IGSF21: variants seen among roughly 807,000 people sequenced by gnomAD.
IGSF21 encodes immunoglobin superfamily member 21.
A neutral mutation model predicts 46.8 loss-of-function variants in IGSF21; 28 were observed. That is an observed-to-expected ratio of 0.60 (90% CI 0.44 to 0.82). IGSF21 has a LOEUF of 0.82. Ranked by LOEUF, IGSF21 falls within the 40% of genes least tolerant of loss-of-function variation. IGSF21 has a pLI of 0.00. For missense variants in IGSF21, 624 were observed against 665.5 expected, an observed-to-expected ratio of 0.94 and a Z score of 0.69; for synonymous variants, 284 against 273.6, an observed-to-expected ratio of 1.04 and a Z score of -0.38.
intron 1 of IGSF21, among the ~76,000 whole-genome samples, chr1:18,190,363 G>A (rs185352091): frequency 1.1e-4 from 16 of 152,266 alleles, no homozygotes; most frequent in African/African-American, 3.9e-4. Flanking sequence ...CTGCCCCTCC[G>A]ATTCCATCTG....
Position 18,192,982 on chromosome 1 carries a change from T to C in IGSF21, c.71-34916T>C, listed in dbSNP as rs529578467. ...GAATAAGGCAACACTGGAATCCTGGTCCTCACAGGCCTTCACTCCAAATGG... is the reference window on the plus strand; with the variant it reads ...GAATAAGGCAACACTGGAATCCTGGCCCTCACAGGCCTTCACTCCAAATGG... On this transcript the variant is annotated intron_variant, in intron 1 of 9. Transcript: ENST00000251296. Among the ~76,000 whole-genome samples the C allele has an allele frequency of 9.9e-5, 15 of 152,032 alleles. No homozygotes were observed. The East Asian group carries it at 2.1e-3, about 22-fold the overall frequency.
rs546293367 is a variant in IGSF21, at chr1:18,123,733, G to A, written c.70+15535G>A. Among the ~76,000 whole-genome samples, 39 of 152,252 alleles carry A rather than the reference G, an allele frequency of 2.6e-4. No homozygotes were observed. The South Asian group carries it at 7.9e-3, about 31-fold the overall frequency. On this transcript the variant is annotated intron_variant, in intron 1 of 9. Coordinates refer to ENST00000251296, the MANE Select transcript of IGSF21 (RefSeq NM_032880.5). Reference sequence around the variant, plus strand: ...GCAGGATACAACAGCAAGGATAAAGGCCTATAGGCTGGAAAGGGCCTGGGG... The same window carrying A: ...GCAGGATACAACAGCAAGGATAAAGACCTATAGGCTGGAAAGGGCCTGGGG...
chr1:18,229,433 C>T (rs537130316), intron 2 of IGSF21, among the ~76,000 whole-genome samples: 1 of 152,334 alleles, frequency 6.6e-6, no homozygotes, highest in South Asian at 2.1e-4. Flanking sequence ...GAGCTTTGAA[C>T]CAGCCTGTCT....
Position 18,246,856 on chromosome 1 carries a change from G to T in IGSF21, c.183+18846G>T, listed in dbSNP as rs190115135. 1.0e-3 allele frequency among the ~76,000 whole-genome samples: 154 copies of T among 152,228 alleles called. 1 individual carries two copies. The Middle Eastern group carries it at 0.031, about 30-fold the overall frequency. On this transcript the variant is annotated intron_variant, in intron 2 of 9. Transcript: ENST00000251296. ...ACTCTGTGAAGCTCAACACATCTGAGTTTGGAAGCTGCTTTGGACTCAGGG... is the reference window on the plus strand; with the variant it reads ...ACTCTGTGAAGCTCAACACATCTGATTTTGGAAGCTGCTTTGGACTCAGGG...
rs767206059 is a variant in IGSF21, at chr1:18,153,433, C to T, written c.70+45235C>T. On this transcript the variant is annotated intron_variant, in intron 1 of 9. Transcript: ENST00000251296. ...TGCTCAGACATCTGCAATGTAGCCCCAGGGAACTCAAAAGGCCCCAGGCCT... is the reference window on the plus strand; with the variant it reads ...TGCTCAGACATCTGCAATGTAGCCCTAGGGAACTCAAAAGGCCCCAGGCCT... Among the ~76,000 whole-genome samples the T allele has an allele frequency of 7.2e-5, 11 of 152,188 alleles. No individual in the cohort carries two copies. The South Asian group carries it at 8.3e-4, about 11-fold the overall frequency.
At chr1:18,136,750 GGT>G (rs1413799922) in intron 1 of IGSF21, among the ~76,000 whole-genome samples, 1 of 152,060 alleles carries the variant, frequency 6.6e-6, no homozygotes, top group Non-Finnish European at 1.5e-5. Flanking sequence ...GCTCTTTTTT[GGT>G]TCCATATGAA....
At chr1:18,256,183 T>C (rs2084890650) in intron 2 of IGSF21, among the ~76,000 whole-genome samples, 1 of 152,196 alleles carries the variant, frequency 6.6e-6, no homozygotes. Context: ...TTGCCTGCTG[T>C]ATATGCCCTC....
At chr1:18,377,525 C>A in intron 9 of IGSF21, 94 bp downstream of exon 9, 2 of 983,644 alleles carry the variant, frequency 2.0e-6, no homozygotes, top group South Asian at 1.3e-5. Flanking sequence ...TATGCACACC[C>A]TTGCCACTCC....
intron 2 of IGSF21, among the ~76,000 whole-genome samples, chr1:18,260,371 C>G (rs555064024): frequency 6.6e-6 from 1 of 152,142 alleles, no homozygotes; most frequent in East Asian, 1.9e-4. Context: ...GAGCTTAGCC[C>G]GGGAGGGTTC....
intron 2 of IGSF21, among the ~76,000 whole-genome samples, chr1:18,242,355 G>T (rs937032093): frequency 8.5e-5 from 13 of 152,194 alleles, no homozygotes; most frequent in African/African-American, 2.9e-4. Flanking sequence ...AACCGTCCAC[G>T]GCTGAGGCTG....
chr1:18,353,436 AG>A (rs2085981579), intron 4 of IGSF21, among the ~76,000 whole-genome samples: 1 of 152,060 alleles, frequency 6.6e-6, no homozygotes, highest in Admixed American at 6.5e-5. Context: ...CTGGTGTGCC[AG>A]GCTCTTGGGT....
At chr1:18,164,032 T>C (rs547088880) in intron 1 of IGSF21, among the ~76,000 whole-genome samples, 191 of 152,306 alleles carry the variant, frequency 1.3e-3, no homozygotes, top group African/African-American at 4.5e-3. Flanking sequence ...AATCCACCAA[T>C]GGGAGACTGC....
intron 2 of IGSF21, among the ~76,000 whole-genome samples, chr1:18,252,120 G>A (rs1173638132): frequency 1.6e-5 from 2 of 124,722 alleles, no homozygotes; most frequent in Non-Finnish European, 3.1e-5. Context: ...GTGCAATCTC[G>A]GCTCACTGCA....
At position 18,372,632 on chromosome 1, in the gene IGSF21, A is replaced by ATGGATG. The variant is rs1557666105; in HGVS notation, c.1016-3678_1016-3677insTGGATG. Among the ~76,000 whole-genome samples the ATGGATG allele has an allele frequency of 8.3e-3, 1,119 of 135,314 alleles. 43 individuals are homozygous for ATGGATG. Among genetic ancestry groups the ATGGATG allele is most frequent in the Admixed American group, 0.065 (898 of 13,790 alleles). The allele number at this position is 135,314 out of a possible 152,430, so 88.8% of individuals were successfully genotyped here. ...TGGGTGGATGTTTGGATGGATGGATAGATGGATGGATGGATGGATGGATGT... is the reference window on the plus strand; with the variant it reads ...TGGGTGGATGTTTGGATGGATGGATATGGATGGATGGATGGATGGATGGATGGATGT... On this transcript the variant is annotated intron_variant, in intron 6 of 9. Transcript: ENST00000251296.
intron 1 of IGSF21, among the ~76,000 whole-genome samples, chr1:18,167,548 G>A (rs1280416070): frequency 6.6e-6 from 1 of 152,082 alleles, no homozygotes; most frequent in African/African-American, 2.4e-5. Context: ...AAGGCTTAGT[G>A]CCCTCCACCA....
chr1:18,176,716 G>A (rs74798248), intron 1 of IGSF21, among the ~76,000 whole-genome samples: 12 of 152,246 alleles, frequency 7.9e-5, no homozygotes, highest in South Asian at 2.1e-4. Context: ...GAGGAGTTCC[G>A]GGGTCTCCAC....
chr1:18,161,353 G>A (rs2086620385), intron 1 of IGSF21, among the ~76,000 whole-genome samples: 1 of 152,080 alleles, frequency 6.6e-6, no homozygotes, highest in Admixed American at 6.5e-5. Context: ...TTGCGGGGAT[G>A]GTGCTGTGAA....
intron 1 of IGSF21, among the ~76,000 whole-genome samples, chr1:18,153,801 C>T (rs1486560109): frequency 1.3e-5 from 2 of 152,112 alleles, no homozygotes; most frequent in African/African-American, 4.8e-5. Flanking sequence ...ATGCTGTCCC[C>T]GATTCCCCAC....
intron 2 of IGSF21, among the ~76,000 whole-genome samples, chr1:18,231,528 G>A (rs1337501473): frequency 6.6e-6 from 1 of 152,196 alleles, no homozygotes; most frequent in Admixed American, 6.5e-5. Flanking sequence ...ATAGACTCAA[G>A]GAAGTATGTG....
Sources: allele counts gnomAD v4.1 joint callset (sites outside exome capture counted in the v4.1 genomes callset), GRCh38; gene constraint gnomAD v4.1.1; transcripts MANE v1.5; gene names NCBI Gene and HGNC (gene_info 2026-07-23, HGNC 2026-07-21).